Variants in SDAD1 observed in about 807,000 individuals in gnomAD.
The protein encoded by SDAD1 is SDA1 domain containing 1.
SDAD1 carries 79 observed loss-of-function variants against 100.3 expected under a neutral mutation model. The observed-to-expected ratio is 0.79, with a 90% confidence interval of 0.66 to 0.95. SDAD1 has a LOEUF of 0.95. Ranked by LOEUF, SDAD1 falls within the 40% of genes least tolerant of loss-of-function variation. SDAD1 has a pLI of 0.00. For missense variants in SDAD1, 790 were observed against 810.9 expected (o/e 0.97, Z 0.31); for synonymous variants, 267 against 271.4 (o/e 0.98, Z 0.16).
rs1383701973 is a variant in SDAD1, at chr4:75,966,312, A to ACACACACT, written c.1046-491_1046-490insAGTGTGTG. On this transcript the variant is annotated intron_variant, in intron 12 of 21. Transcript: ENST00000356260. ...CACACACACACACACACACACACAC[A>ACACACACT]CTGTCTCTTTTCAAAGGGGCAGCAT... Among the ~76,000 whole-genome samples, 233 of 136,006 alleles carry ACACACACT rather than the reference A, an allele frequency of 1.7e-3. 2 individuals are homozygous for ACACACACT. Among genetic ancestry groups the ACACACACT allele is most frequent in the East Asian group, 4.2e-3 (19 of 4,526 alleles). The allele number at this position is 136,006 out of a possible 152,430, so 89.2% of individuals were successfully genotyped here.
chr4:75,972,298 A>G (rs930599865), intron 8 of SDAD1, among the ~76,000 whole-genome samples: 13 of 151,788 alleles, frequency 8.6e-5, no homozygotes, highest in African/African-American at 3.1e-4. Flanking sequence ...CATGCTGTGG[A>G]AGCTTTGTTC....
At chr4:75,951,006 T>C (rs1728602343) in intron 21 of SDAD1, among the ~76,000 whole-genome samples, 1 of 152,136 alleles carries the variant, frequency 6.6e-6, no homozygotes, top group African/African-American at 2.4e-5. Context: ...TTGACTGCTG[T>C]TCCCAACTCA....
At chr4:75,968,246 C>T (rs144913414) in intron 11 of SDAD1, among the ~76,000 whole-genome samples, 215 of 152,322 alleles carry the variant, frequency 1.4e-3, no homozygotes, top group African/African-American at 5.0e-3. Context: ...ACTGGGACTA[C>T]AGCCATGGAG....
intron 21 of SDAD1, 148 bp from the exon 22 acceptor site, chr4:75,950,945 A>C (rs1728598702): frequency 1.9e-6 from 1 of 526,024 alleles, no homozygotes; most frequent in East Asian, 2.9e-5. Flanking sequence ...AAAACAGATC[A>C]CATCTGAATC....
intron 17 of SDAD1, 77 bp downstream of exon 17, chr4:75,959,989 A>T (rs748142834): frequency 7.0e-7 from 1 of 1,426,062 alleles, no homozygotes; most frequent in Non-Finnish European, 9.4e-7. Flanking sequence ...TGAATGTTCA[A>T]ATAGTATACA....
At chr4:75,970,837 T>C (rs1456688228) in intron 9 of SDAD1, among the ~76,000 whole-genome samples, 4 of 152,216 alleles carry the variant, frequency 2.6e-5, no homozygotes, top group Non-Finnish European at 4.4e-5. Flanking sequence ...CCTGCCACCA[T>C]GTAAGACATG....
At chr4:75,960,574 T>C (rs940419125) in intron 16 of SDAD1, among the ~76,000 whole-genome samples, 38 of 152,386 alleles carry the variant, frequency 2.5e-4, no homozygotes, top group African/African-American at 8.4e-4. Context: ...TGTTGTGTTT[T>C]GATCTAGATC....
At chr4:75,983,410 C>T (rs988148955) in intron 1 of SDAD1, among the ~76,000 whole-genome samples, 2 of 152,240 alleles carry the variant, frequency 1.3e-5, no homozygotes, top group African/African-American at 4.8e-5. Flanking sequence ...CTCCCACCAA[C>T]AGTGTAAAAG....
chr4:75,965,915 T>C (rs1729512352), intron 12 of SDAD1, 93 bp from the exon 13 acceptor site: 14 of 1,006,406 alleles, frequency 1.4e-5, no homozygotes, highest in Admixed American at 4.3e-5. Context: ...CTGGTCTAAA[T>C]GGTATTGCTG....
At chr4:75,977,931 G>A (rs1490117921) in intron 3 of SDAD1, among the ~76,000 whole-genome samples, 175 bp from the exon 4 acceptor site, 1 of 152,118 alleles carries the variant, frequency 6.6e-6, no homozygotes, top group Non-Finnish European at 1.5e-5. Flanking sequence ...CAGAACGGAG[G>A]ACAGACAAGC....
intron 3 of SDAD1, among the ~76,000 whole-genome samples, chr4:75,980,060 T>TA (rs1730410343): frequency 6.6e-6 from 1 of 152,154 alleles, no homozygotes. Flanking sequence ...AAATAAAACT[T>TA]AAAGAAATCC....
chr4:75,970,463 G>C, intron 9 of SDAD1, 85 bp from the exon 10 acceptor site: 1 of 990,394 alleles, frequency 1.0e-6, no homozygotes, highest in Non-Finnish European at 1.5e-6. Flanking sequence ...GCTGTTATAA[G>C]TCCATTAGAC....
intron 1 of SDAD1, among the ~76,000 whole-genome samples, chr4:75,984,091 T>C (rs1257950262): frequency 6.6e-6 from 1 of 151,448 alleles, no homozygotes; most frequent in African/African-American, 2.4e-5. Flanking sequence ...AAAGATCAGG[T>C]GGTTGTAGAT....
intron 1 of SDAD1, among the ~76,000 whole-genome samples, chr4:75,988,847 G>GGCTGTACTA (rs1400091763): frequency 6.6e-6 from 1 of 151,946 alleles, no homozygotes; most frequent in African/African-American, 2.4e-5. Context: ...GAAATCCCAA[G>GGCTGTACTA]GCTCTACTAG....
chr4:75,956,036 A>G lies in SDAD1; in HGVS notation c.1955T>C (p.Met652Thr). 1.2e-6 allele frequency: 2 copies of G among 1,612,848 alleles called. No homozygotes were observed. Among genetic ancestry groups the G allele is most frequent in the South Asian group, 2.2e-5 (2 of 90,658 alleles). The change falls in exon 21 of 22, where the codon ATG (methionine) becomes ACG (threonine). Residue 652 changes from methionine (M) to threonine (T), a missense_variant. Met to Thr is a moderately conservative substitution (Grantham distance 81, BLOSUM62 -1). Transcript: ENST00000356260. Reference sequence around the variant, plus strand: ...GACATTCTGGCTATACCGCATCATCATAAAGTTCTTCTGTTTTTTCTTCTC... The same window carrying G: ...GACATTCTGGCTATACCGCATCATCGTAAAGTTCTTCTGTTTTTTCTTCTC... ...NKEKKKQKNF[M>T]MMRYSQNVRS...
At chr4:75,990,682 A>G in intron 1 of SDAD1, 70 bp downstream of exon 1, 1 of 1,608,378 alleles carries the variant, frequency 6.2e-7, no homozygotes, top group South Asian at 1.1e-5. Context: ...GCCCCACTCC[A>G]TGCTTTCCCG....
Position 75,973,353 on chromosome 4 carries a change from A to T in SDAD1, c.675T>A (p.Asp225Glu). 1 of 1,613,786 alleles carries T rather than the reference A, an allele frequency of 6.2e-7. No individual in the cohort carries two copies. Among genetic ancestry groups the T allele is most frequent in the Non-Finnish European group, 8.5e-7 (1 of 1,179,842 alleles). ...AGTCACTGTCCTGTTTTTCATCTTCATCTTTCCCAAGAAAGAATGTCAAAG... is the reference window on the plus strand; with the variant it reads ...AGTCACTGTCCTGTTTTTCATCTTCTTCTTTCCCAAGAAAGAATGTCAAAG... ...VAALTFFLGK[D>E]EDEKQDSDSE... The change falls in exon 8 of 22, where the codon GAT becomes GAA. Residue 225 changes from aspartate (D) to glutamate (E), a missense_variant. Coordinates refer to ENST00000356260, the MANE Select transcript of SDAD1 (RefSeq NM_018115.4).
At chr4:75,961,375 G>T in intron 14 of SDAD1, 67 bp from the exon 15 acceptor site, 3 of 1,168,942 alleles carry the variant, frequency 2.6e-6, no homozygotes, top group South Asian at 2.6e-5. Flanking sequence ...AACACAGGAA[G>T]ACTTCCTAAA....
rs988111686 is a variant in SDAD1, at chr4:75,967,177, G to A, written c.1045+100C>T. On this transcript the variant is annotated intron_variant, in intron 12 of 21. Transcript: ENST00000356260. ...CTTCTCTTCACATCTCTAATGTAGA[G>A]CACACTGCACTCCTGTCTTTAGTGA... The A allele has an allele frequency of 3.6e-6, 4 of 1,098,682 alleles. No individual in the cohort carries two copies. In the South Asian group the frequency reaches 5.2e-5, roughly 14 times the overall value. 68.1% of individuals were successfully genotyped at this position (1,098,682 alleles called of 1,614,324 possible). A position where few individuals can be genotyped will look rare whatever the true frequency, so the allele number is the denominator to read the frequency against.
Sources: allele counts gnomAD v4.1 joint callset (sites outside exome capture counted in the v4.1 genomes callset), GRCh38; gene constraint gnomAD v4.1.1; transcripts MANE v1.5; gene names NCBI Gene and HGNC (gene_info 2026-07-23, HGNC 2026-07-21).